Variants in EIF3H observed in about 807,000 individuals in gnomAD.
EIF3H encodes the protein eukaryotic translation initiation factor 3 subunit H.
In EIF3H, 26 loss-of-function variants were observed where a neutral mutation model predicts 44.2. The observed-to-expected ratio is 0.59, with a 90% confidence interval of 0.43 to 0.82. The LOEUF is 0.82. Ranked by LOEUF, EIF3H falls within the 40% of genes least tolerant of loss-of-function variation. The probability of loss-of-function intolerance (pLI) is 0.00; values close to 1 mark genes in which losing one functional copy is unlikely to be tolerated. For missense variants in EIF3H, 359 were observed against 432.8 expected (o/e 0.83, Z 1.51); for synonymous variants, 166 against 151.9 (o/e 1.09, Z -0.68).
rs1814833931 is a variant in EIF3H, at chr8:116,726,155, G to C, written c.150C>G (p.Ile50Met). 6.2e-7 allele frequency: 1 copy of C among 1,613,750 alleles called. No homozygotes were observed. The highest frequency in any genetic ancestry group is 8.5e-7 in the Non-Finnish European group (1 of 1,179,806). The change falls in exon 2 of 8, where the codon ATC (isoleucine) becomes ATG (methionine). Residue 50 changes from isoleucine (I) to methionine (M), a missense_variant. Physicochemically the swap from Ile to Met is conservative, Grantham distance 10. Around this residue, in one of 5 missense-constraint regions of EIF3H, gnomAD observed 91 missense variants for 164.6 expected, o/e 0.55. Coordinates refer to ENST00000521861, the MANE Select transcript of EIF3H (RefSeq NM_003756.3). ...CTTGTCCTTCTTCTTGATAATGTTT[G>C]ATTATCTTTAATACCACCTAAAACA... ...QIDGLVVLKI[I>M]KHYQEEGQGT...
At chr8:116,752,705 A>AAAG (rs1175886184) in intron 1 of EIF3H, among the ~76,000 whole-genome samples, 2 of 136,974 alleles carry the variant, frequency 1.5e-5, no homozygotes, top group African/African-American at 5.4e-5. Flanking sequence ...AGAAAGAAAG[A>AAAG]AAGAAAGAAA....
intron 7 of EIF3H, 35 bp from the exon 8 acceptor site, chr8:116,645,138 T>C (rs16888614): frequency 0.02 from 30,936 of 1,511,240 alleles, 1,559 homozygotes; most frequent in African/African-American, 0.19. Flanking sequence ...GCCATAATGT[T>C]CCACAAATTG....
intron 2 of EIF3H, among the ~76,000 whole-genome samples, chr8:116,667,802 A>ACTCT (rs756306279): frequency 1.3e-5 from 2 of 152,172 alleles, no homozygotes; most frequent in East Asian, 3.9e-4. Flanking sequence ...TCTAAAAGAT[A>ACTCT]CTCTCTTCAA....
At chr8:116,690,733 T>A (rs1178226724) in intron 2 of EIF3H, among the ~76,000 whole-genome samples, 1 of 152,226 alleles carries the variant, frequency 6.6e-6, no homozygotes, top group East Asian at 1.9e-4. Flanking sequence ...GTATTTTTCT[T>A]ATAATTCTCA....
At chr8:116,698,078 C>G (rs953117506) in intron 2 of EIF3H, among the ~76,000 whole-genome samples, 1 of 152,136 alleles carries the variant, frequency 6.6e-6, no homozygotes, top group African/African-American at 2.4e-5. Flanking sequence ...TCAAATGCAC[C>G]AAGTCTGTTT....
chr8:116,729,434 A>G (rs1370004487), intron 1 of EIF3H, among the ~76,000 whole-genome samples: 1 of 152,248 alleles, frequency 6.6e-6, no homozygotes, highest in Non-Finnish European at 1.5e-5. Context: ...AGTGAATTCT[A>G]AAGGGATCAG....
chr8:116,674,326 G>A (rs1320845107), intron 2 of EIF3H, among the ~76,000 whole-genome samples: 7 of 142,638 alleles, frequency 4.9e-5, no homozygotes, highest in African/African-American at 1.8e-4. Flanking sequence ...GGAGGTGGGG[G>A]GGGGTGGGGG....
chr8:116,755,523 A>G (rs1480099728), intron 1 of EIF3H, 143 bp downstream of exon 1: 3 of 1,082,442 alleles, frequency 2.8e-6, no homozygotes, highest in Non-Finnish European at 3.9e-6. Context: ...CAAAAAGTGA[A>G]GATGAAAGAG....
At chr8:116,695,617 T>C (rs1239109241) in intron 2 of EIF3H, among the ~76,000 whole-genome samples, 1 of 151,734 alleles carries the variant, frequency 6.6e-6, no homozygotes, top group Non-Finnish European at 1.5e-5. Context: ...GTGAGGAAGG[T>C]ATTGGGGATA....
intron 1 of EIF3H, among the ~76,000 whole-genome samples, chr8:116,751,705 C>A (rs922843988): frequency 5.9e-5 from 9 of 152,146 alleles, no homozygotes; most frequent in Non-Finnish European, 1.2e-4. Context: ...TATTTAAAGC[C>A]GTGAGCACAG....
chr8:116,748,691 T>G (rs1325415893), intron 1 of EIF3H, among the ~76,000 whole-genome samples: 1 of 152,152 alleles, frequency 6.6e-6, no homozygotes, highest in African/African-American at 2.4e-5. Flanking sequence ...TATTCTAGTG[T>G]GAAGAAATAA....
chr8:116,739,082 A>T (rs558637043), intron 1 of EIF3H, among the ~76,000 whole-genome samples: 1 of 152,342 alleles, frequency 6.6e-6, no homozygotes, highest in Admixed American at 6.5e-5. Flanking sequence ...GAAGGCAGTC[A>T]GTTTACTGGA....
intron 5 of EIF3H, among the ~76,000 whole-genome samples, chr8:116,652,382 G>GT (rs1300990165): frequency 1.3e-5 from 2 of 152,180 alleles, no homozygotes; most frequent in African/African-American, 2.4e-5. Context: ...CTATCGAGAA[G>GT]TTTGATTATG....
In EIF3H at chr8:116,642,950, T is replaced by G. The variant is rs1209693026; in HGVS notation, c.*2056A>C. On this transcript the variant is annotated 3_prime_UTR_variant, in exon 8 of 8. Transcript: ENST00000521861. Reference sequence around the variant, plus strand: ...AGAAATCTAAACAATCATAAAGAATTTAAGAATCACACCTTTAAAAACATA... The same window carrying G: ...AGAAATCTAAACAATCATAAAGAATGTAAGAATCACACCTTTAAAAACATA... 1 of 152,242 alleles carries G rather than the reference T, an allele frequency of 6.6e-6. No individual in the cohort carries two copies. Among genetic ancestry groups the G allele is most frequent in the Non-Finnish European group, 1.5e-5 (1 of 68,036 alleles). The allele number at this position is 152,242 out of a possible 1,614,324, so 9.4% of individuals were successfully genotyped here.
intron 2 of EIF3H, among the ~76,000 whole-genome samples, chr8:116,677,622 C>A (rs903902555): frequency 6.6e-6 from 1 of 152,194 alleles, no homozygotes; most frequent in African/African-American, 2.4e-5. Context: ...GCACCTATTA[C>A]ACTTCAATCA....
chr8:116,705,421 C>T (rs1012292648), intron 2 of EIF3H, among the ~76,000 whole-genome samples: 4 of 151,410 alleles, frequency 2.6e-5, no homozygotes, highest in African/African-American at 9.7e-5. Flanking sequence ...CTCAGAAAGA[C>T]ATTAGACACT....
At chr8:116,711,176 A>T (rs1287644122) in intron 2 of EIF3H, among the ~76,000 whole-genome samples, 1 of 152,200 alleles carries the variant, frequency 6.6e-6, no homozygotes, top group Non-Finnish European at 1.5e-5. Flanking sequence ...TGAAAAAAAC[A>T]TCAGAGTCTC....
At chr8:116,697,319 T>TG in intron 2 of EIF3H, 3 of 401,880 alleles carry the variant, frequency 7.5e-6, no homozygotes, top group South Asian at 5.6e-5. Flanking sequence ...ATTGCATGCC[T>TG]GCTTGCAAAC....
intron 1 of EIF3H, among the ~76,000 whole-genome samples, chr8:116,764,524 A>G (rs1361249448): frequency 1.3e-5 from 2 of 152,208 alleles, no homozygotes; most frequent in African/African-American, 4.8e-5. Flanking sequence ...ATTGTAATAA[A>G]TGTCACTTCC....
Sources: allele counts gnomAD v4.1 joint callset (sites outside exome capture counted in the v4.1 genomes callset), GRCh38; gene constraint gnomAD v4.1.1; regional missense constraint gnomAD v4.1.1; transcripts MANE v1.5; gene names NCBI Gene and HGNC (gene_info 2026-07-23, HGNC 2026-07-21).